The following ZBTB7C variants were observed in gnomAD, a reference collection of about 807,000 sequenced individuals.
ZBTB7C encodes zinc finger and BTB domain containing 7C.
In ZBTB7C, 8 loss-of-function variants were observed where a neutral mutation model predicts 25.7. That is an observed-to-expected ratio of 0.31 (90% CI 0.18 to 0.56). The LOEUF (loss-of-function observed/expected upper bound fraction) is 0.56, where lower values mean the gene tolerates loss of function less well. ZBTB7C is among the 20% of genes least tolerant of loss of function. The pLI is 0.91. For synonymous variants in ZBTB7C, 394 were observed against 369.0 expected, an observed-to-expected ratio of 1.07 and a Z score of -0.78; for missense variants, 824 against 855.2, an observed-to-expected ratio of 0.96 and a Z score of 0.46.
At chr18:48,154,536 C>T (rs2040775997) in intron 3 of ZBTB7C, among the ~76,000 whole-genome samples, 1 of 152,232 alleles carries the variant, frequency 6.6e-6, no homozygotes, top group South Asian at 2.1e-4. Context: ...TTTAAGGGTT[C>T]CCTCTCCCGA....
intron 1 of ZBTB7C, among the ~76,000 whole-genome samples, chr18:48,378,619 A>G (rs1420842828): frequency 6.6e-6 from 1 of 152,254 alleles, no homozygotes; most frequent in East Asian, 1.9e-4. Flanking sequence ...ATGACTAAAG[A>G]AAGCTTCAAA....
intron 3 of ZBTB7C, among the ~76,000 whole-genome samples, chr18:48,065,132 T>G (rs898719816): frequency 7.4e-6 from 1 of 134,924 alleles, no homozygotes; most frequent in East Asian, 2.3e-4. Flanking sequence ...GCCCCCTCCC[T>G]GTCCAGCGAG....
At chr18:48,394,489 T>C (rs1156323015) in intron 1 of ZBTB7C, among the ~76,000 whole-genome samples, 2 of 152,242 alleles carry the variant, frequency 1.3e-5, no homozygotes, top group Non-Finnish European at 2.9e-5. Context: ...TTCATTCATT[T>C]TGATAAATCT....
At chr18:48,410,424 A>G (rs1384229064), upstream of ZBTB7C, among the ~76,000 whole-genome samples, 2 of 152,062 alleles carry the variant, frequency 1.3e-5, no homozygotes, top group Non-Finnish European at 2.9e-5. Flanking sequence ...AACAATGCCA[A>G]CGGGCGGGCC....
intron 2 of ZBTB7C, among the ~76,000 whole-genome samples, chr18:48,289,250 T>C (rs1001216572): frequency 1.3e-5 from 2 of 152,174 alleles, no homozygotes; most frequent in Non-Finnish European, 2.9e-5. Context: ...AAATTCACTT[T>C]TAGGCATGTT....
At chr18:48,128,890 C>A (rs751127798) in intron 3 of ZBTB7C, among the ~76,000 whole-genome samples, 2 of 152,030 alleles carry the variant, frequency 1.3e-5, no homozygotes, top group East Asian at 1.9e-4. Flanking sequence ...AAGAAGTGTG[C>A]GCAGGTAAGC....
chr18:48,243,265 C>T (rs6507831), intron 2 of ZBTB7C, among the ~76,000 whole-genome samples: 7 of 121,952 alleles, frequency 5.7e-5, no homozygotes, highest in Non-Finnish European at 1.0e-4. Flanking sequence ...CTCTCTACCC[C>T]CCCACAAAAA....
intron 3 of ZBTB7C, among the ~76,000 whole-genome samples, chr18:48,044,524 TG>T (rs1281828131): frequency 6.6e-6 from 1 of 152,238 alleles, no homozygotes; most frequent in African/African-American, 2.4e-5. Context: ...GCAGCTGGGC[TG>T]GGGGCCAGCA....
At chr18:48,102,393 T>G (rs1258903268) in intron 3 of ZBTB7C, among the ~76,000 whole-genome samples, 4 of 151,932 alleles carry the variant, frequency 2.6e-5, no homozygotes, top group Non-Finnish European at 2.9e-5. Context: ...GCTAGACCTT[T>G]GTATTTACAA....
In ZBTB7C at chr18:48,317,257, CAAA is replaced by C. The variant is rs71165318; in HGVS notation, c.-79+20914_-79+20916del. 2.0e-3 allele frequency among the ~76,000 whole-genome samples: 142 copies of C among 69,454 alleles called. 4 individuals carry two copies. In the East Asian group the frequency reaches 0.023, roughly 11 times the overall value. The allele number at this position is 69,454 out of a possible 152,430, so 45.6% of individuals were successfully genotyped here. ...GGGCGACAAGAGTGAAACTCCGTCT[CAAA>C]AAAAAAAAAAAAAAAAAAAAAGACA... On this transcript the variant is annotated intron_variant, in intron 2 of 4. Transcript: ENST00000590800.
intron 3 of ZBTB7C, among the ~76,000 whole-genome samples, chr18:48,110,570 T>C (rs2039203299): frequency 6.6e-6 from 1 of 152,244 alleles, no homozygotes; most frequent in Non-Finnish European, 1.5e-5. Context: ...TGATTCTTAA[T>C]CACTCCTTTT....
intron 2 of ZBTB7C, among the ~76,000 whole-genome samples, chr18:48,291,849 A>G (rs2144690363): frequency 6.6e-6 from 1 of 152,260 alleles, no homozygotes; most frequent in South Asian, 2.1e-4. Context: ...CATAACATGT[A>G]GAACACCAGA....
At chr18:48,085,619 G>A (rs759850679) in intron 3 of ZBTB7C, among the ~76,000 whole-genome samples, 4 of 152,214 alleles carry the variant, frequency 2.6e-5, no homozygotes, top group Non-Finnish European at 4.4e-5. Context: ...GATTAAAAGA[G>A]TTAATACTAT....
intron 1 of ZBTB7C, among the ~76,000 whole-genome samples, chr18:48,339,978 G>A (rs2046557920): frequency 6.6e-6 from 1 of 152,194 alleles, no homozygotes; most frequent in South Asian, 2.1e-4. Flanking sequence ...CAAAGCAACA[G>A]AGGTTAGAAG....
intron 2 of ZBTB7C, among the ~76,000 whole-genome samples, chr18:48,318,704 T>G (rs956464182): frequency 5.3e-5 from 8 of 152,222 alleles, no homozygotes; most frequent in African/African-American, 1.7e-4. Context: ...TATTGTTTGC[T>G]GAATCCTGTG....
chr18:48,359,590 G>A (rs2047056340), intron 1 of ZBTB7C, among the ~76,000 whole-genome samples: 1 of 152,194 alleles, frequency 6.6e-6, no homozygotes, highest in Non-Finnish European at 1.5e-5. Flanking sequence ...TACGAAAGGA[G>A]GCCAGAGAAG....
At chr18:48,137,467 A>C in intron 3 of ZBTB7C, 49 of 262,254 alleles carry the variant, frequency 1.9e-4, no homozygotes, top group Non-Finnish European at 2.6e-4. Flanking sequence ...CACTTATCTC[A>C]AAGCAAGGGA....
At chr18:48,362,330 C>G (rs1310850420) in intron 1 of ZBTB7C, among the ~76,000 whole-genome samples, 1 of 152,220 alleles carries the variant, frequency 6.6e-6, no homozygotes, top group Non-Finnish European at 1.5e-5. Flanking sequence ...CCCAGAATTC[C>G]TATGTTGAAA....
chr18:48,151,977 C>A (rs528707705), intron 3 of ZBTB7C, among the ~76,000 whole-genome samples: 1 of 152,114 alleles, frequency 6.6e-6, no homozygotes, highest in Non-Finnish European at 1.5e-5. Flanking sequence ...GGCCAGCCAG[C>A]CCTGTCACAG....
Sources: gnomAD v4.1 joint callset for allele counts (sites outside exome capture counted in the v4.1 genomes callset) on GRCh38, gnomAD v4.1.1 for gene constraint, MANE v1.5 for transcripts, NCBI Gene and HGNC (gene_info 2026-07-23, HGNC 2026-07-21) for gene names.